The following MCCC1 variants were observed in gnomAD, a reference collection of about 807,000 sequenced individuals.
MCCC1 encodes the protein methylcrotonoyl-CoA carboxylase subunit alpha, mitochondrial.
A neutral mutation model predicts 83.8 loss-of-function variants in MCCC1; 64 were observed. The observed-to-expected ratio is 0.76, with a 90% CI of 0.62 to 0.94. MCCC1 has a LOEUF of 0.94. Among genes scored for constraint, MCCC1 ranks in the 40% least tolerant of loss-of-function variants. The probability of loss-of-function intolerance (pLI) is 0.00; values close to 1 mark genes in which losing one functional copy is unlikely to be tolerated. For synonymous variants in MCCC1, 322 were observed against 315.4 expected (o/e 1.02, Z -0.22); for missense variants, 807 against 904.7 (o/e 0.89, Z 1.39).
chr3:183,113,249 G>T (rs186876925), intron 1 of MCCC1, among the ~76,000 whole-genome samples: 1 of 151,476 alleles, frequency 6.6e-6, no homozygotes, highest in Non-Finnish European at 1.5e-5. Context: ...AATTAACTGG[G>T]CTTAGTGGTG....
At chr3:183,016,060 C>G (rs1356445919) in intron 18 of MCCC1, among the ~76,000 whole-genome samples, 1 of 151,418 alleles carries the variant, frequency 6.6e-6, no homozygotes, top group Non-Finnish European at 1.5e-5. Flanking sequence ...TCCCAAGTAA[C>G]TGGGACTACA....
rs746500530 is a variant in MCCC1, at chr3:183,057,321, T to C, written c.863A>G (p.Glu288Gly). The C allele has an allele frequency of 3.1e-6, 5 of 1,604,824 alleles. No individual in the cohort carries two copies. In the East Asian group the frequency reaches 1.1e-4, roughly 36 times the overall value. Residue 288 changes from glutamate (E) to glycine (G), a missense_variant, in exon 8 of 19, where the codon GAG becomes GGG. Transcript: ENST00000265594. ...TTCCAAGGTCCTTACCGCTGGGGCCTCCTCAATGATCTTCTGATGTCGCCT... is the reference window on the plus strand; with the variant it reads ...TTCCAAGGTCCTTACCGCTGGGGCCCCCTCAATGATCTTCTGATGTCGCCT... ...VQRRHQKIIE[E>G]APAPGIKSEV...
At chr3:183,114,814 T>C (rs1719563299) in intron 1 of MCCC1, among the ~76,000 whole-genome samples, 1 of 152,132 alleles carries the variant, frequency 6.6e-6, no homozygotes, top group Admixed American at 6.5e-5. Context: ...CCACTGTCTG[T>C]TGTTGTTGCT....
intron 18 of MCCC1, among the ~76,000 whole-genome samples, chr3:183,016,088 C>T (rs547642661): frequency 5.9e-5 from 9 of 151,792 alleles, no homozygotes; most frequent in African/African-American, 1.9e-4. Flanking sequence ...GCCACCACAC[C>T]TGGCTAATTT....
At position 183,099,444 on chromosome 3, in the gene MCCC1, C is replaced by T. The variant is rs1474370062; in HGVS notation, c.-4G>A. Reference sequence around the variant, plus strand: ...ACACCGCAGAGGCCGCCGCCATGTCCCTGGAGCCCGGCCACTCCGTGACTC... The same window carrying T: ...ACACCGCAGAGGCCGCCGCCATGTCTCTGGAGCCCGGCCACTCCGTGACTC... On this transcript the variant is annotated 5_prime_UTR_variant, in exon 1 of 19. Transcript: ENST00000265594. 3 of 1,603,010 alleles carry T rather than the reference C, an allele frequency of 1.9e-6. No homozygotes were observed. Among genetic ancestry groups the T allele is most frequent in the South Asian group, 2.2e-5 (2 of 89,332 alleles).
chr3:183,053,914 G>A (rs1715201702), intron 8 of MCCC1, among the ~76,000 whole-genome samples: 1 of 130,772 alleles, frequency 7.6e-6, no homozygotes, highest in Admixed American at 8.4e-5. Flanking sequence ...GTCTCACTCT[G>A]TTGCCCAGGC....
At chr3:183,052,261 T>C in intron 8 of MCCC1, 21 bp from the exon 9 acceptor site, 1 of 1,598,988 alleles carries the variant, frequency 6.3e-7, no homozygotes, top group Non-Finnish European at 8.6e-7. Context: ...AATATGTAAA[T>C]AAATCTCCAT....
chr3:183,063,918 G>A (rs938068942), intron 7 of MCCC1, among the ~76,000 whole-genome samples: 2 of 152,126 alleles, frequency 1.3e-5, no homozygotes, highest in Non-Finnish European at 2.9e-5. Flanking sequence ...GATAGGATTG[G>A]GTTACAGGCC....
intron 13 of MCCC1, among the ~76,000 whole-genome samples, chr3:183,034,777 C>CTTTTTTTTTTTTTTTTTTTT (rs397963844): frequency 2.1e-5 from 3 of 143,894 alleles, no homozygotes; most frequent in Non-Finnish European, 1.5e-5. Flanking sequence ...CCTTATAGGC[C>CTTTTTTTTTTTTTTTTTTTT]TTTTTTTTTT....
chr3:183,093,003 A>C (rs1272183864), intron 2 of MCCC1, among the ~76,000 whole-genome samples: 3 of 151,914 alleles, frequency 2.0e-5, no homozygotes, highest in Non-Finnish European at 4.4e-5. Flanking sequence ...AAGCAATTCT[A>C]CTGCTTCAGC....
At chr3:183,055,545 C>A (rs572061776) in intron 8 of MCCC1, among the ~76,000 whole-genome samples, 3 of 152,174 alleles carry the variant, frequency 2.0e-5, no homozygotes, top group Non-Finnish European at 2.9e-5. Flanking sequence ...AGCATAATTA[C>A]GTATCTTTGT....
intron 1 of MCCC1, among the ~76,000 whole-genome samples, chr3:183,114,331 A>C (rs553558353): frequency 1.8e-4 from 27 of 151,564 alleles, no homozygotes; most frequent in African/African-American, 5.6e-4. Flanking sequence ...TGTAAAAGTT[A>C]ATCAAGCCCC....
At chr3:183,017,468 A>G (rs1711744260) in intron 17 of MCCC1, 131 bp from the exon 18 acceptor site, 1 of 819,024 alleles carries the variant, frequency 1.2e-6, no homozygotes, top group Non-Finnish European at 2.0e-6. Flanking sequence ...ATGAATATAA[A>G]CAATAAAACA....
chr3:183,115,955 G>A (rs1302776028), exon 1 of MCCC1: 2 of 152,218 alleles, frequency 1.3e-5, no homozygotes, highest in Non-Finnish European at 2.9e-5. Context: ...TATTGAAGAC[G>A]GTCACAGAGT....
chr3:183,016,004 C>G (rs1185483083), intron 18 of MCCC1, among the ~76,000 whole-genome samples: 2 of 151,468 alleles, frequency 1.3e-5, no homozygotes, highest in East Asian at 3.9e-4. Flanking sequence ...TCTCAGCTCA[C>G]TGTAACCTCT....
At position 183,113,662 on chromosome 3, in the gene MCCC1, C is replaced by T. The variant is rs895734852; in HGVS notation, c.-102+1812G>A. Among the ~76,000 whole-genome samples, 16 of 151,482 alleles carry T rather than the reference C, an allele frequency of 1.1e-4. No individual in the cohort carries two copies. In the East Asian group the frequency reaches 1.6e-3, roughly 15 times the overall value. ...AGGCTGCAATGAGCTGTGATCACAC[C>T]GCTGTGGTCCAACCTGGGTGACAGA... On this transcript the variant is annotated intron_variant, in intron 1 of 17. Transcript: ENST00000492597.
At chr3:183,040,448 C>A (rs1347861614) in intron 11 of MCCC1, among the ~76,000 whole-genome samples, 1 of 151,630 alleles carries the variant, frequency 6.6e-6, no homozygotes, top group Non-Finnish European at 1.5e-5. Context: ...CGGTGGCTCA[C>A]CCCTGTAATC....
intron 1 of MCCC1, among the ~76,000 whole-genome samples, chr3:183,109,744 G>A (rs1251200713): frequency 6.6e-6 from 1 of 152,184 alleles, no homozygotes; most frequent in African/African-American, 2.4e-5. Flanking sequence ...TTGGTAGAAT[G>A]ATTTATATTC....
intron 18 of MCCC1, among the ~76,000 whole-genome samples, chr3:183,016,475 C>G (rs2108431018): frequency 6.6e-6 from 1 of 152,246 alleles, no homozygotes; most frequent in Non-Finnish European, 1.5e-5. Flanking sequence ...AAATGATCCG[C>G]CTGCCTCTGC....
Sources: gnomAD v4.1 joint callset for allele counts (sites outside exome capture counted in the v4.1 genomes callset) on GRCh38, gnomAD v4.1.1 for gene constraint, MANE v1.5 for transcripts, NCBI Gene and HGNC (gene_info 2026-07-23, HGNC 2026-07-21) for gene names.